The following IFI30 variants were observed in gnomAD, a reference collection of about 807,000 sequenced individuals.
The protein encoded by IFI30 is gamma-interferon-inducible lysosomal thiol reductase.
In IFI30, 26 loss-of-function variants were observed where a neutral mutation model predicts 30.1. The ratio of observed to expected loss-of-function variants is 0.87; its 90% CI spans 0.63 to 1.20. The LOEUF is 1.20. Ranked by LOEUF, IFI30 falls within the 50% of genes most tolerant of loss-of-function variation. IFI30 has a pLI of 0.00. For synonymous variants in IFI30, 149 were observed against 134.5 expected, an observed-to-expected ratio of 1.11 and a Z score of -0.75; for missense variants, 296 against 312.5, an observed-to-expected ratio of 0.95 and a Z score of 0.40.
intron 4 of IFI30, 127 bp from the exon 5 acceptor site, chr19:18,177,013 G>T: frequency 1.0e-6 from 1 of 988,780 alleles, no homozygotes. Context: ...GGGCTTTGTC[G>T]CATCACTGTG....
At chr19:18,174,919 G>C (rs1967247600) in intron 1 of IFI30, 121 bp from the exon 2 acceptor site, 1 of 738,128 alleles carries the variant, frequency 1.4e-6, no homozygotes. Flanking sequence ...GCAAGTTCTG[G>C]AAGGCGTGCA....
At chr19:18,177,547 A>T in intron 5 of IFI30, 164 bp from the exon 6 acceptor site, 1 of 880,792 alleles carries the variant, frequency 1.1e-6, no homozygotes, top group Non-Finnish European at 1.8e-6. Flanking sequence ...TCGAAGTATT[A>T]AACATCCCTA....
At position 18,177,758 on chromosome 19, in the gene IFI30, G is replaced by A. The variant is rs757176576; in HGVS notation, c.684G>A (p.Leu228=). The A allele has an allele frequency of 8.7e-6, 14 of 1,613,748 alleles. No homozygotes were observed. The East Asian group carries it at 3.1e-4, about 36-fold the overall frequency. ...QTQLLTLVCQ[L]YQGKKPDVCP... Reference sequence around the variant, plus strand: ...AGCTCCTTACCCTTGTCTGCCAGTTGTACCAGGTAAGCTGGGAGGGGAGCA... The same window carrying A: ...AGCTCCTTACCCTTGTCTGCCAGTTATACCAGGTAAGCTGGGAGGGGAGCA... Residue 228 remains leucine (L), a synonymous_variant, in exon 6 of 7, where the codon TTG becomes TTA. Coordinates refer to ENST00000407280, the MANE Select transcript of IFI30 (RefSeq NM_006332.5).
In IFI30 at chr19:18,178,080, A is replaced by G. The variant is rs1045744; in HGVS notation, c.*169A>G. The G allele has an allele frequency of 1.5e-6, 1 of 662,910 alleles. No homozygotes were observed. Among genetic ancestry groups the G allele is most frequent in the Non-Finnish European group, 2.7e-6 (1 of 375,752 alleles). 41.1% of individuals were successfully genotyped at this position (662,910 alleles called of 1,614,324 possible). ...ACCCCATGATCAAGAATCCTGCTCC[A>G]CTAAGAATGGTGCTAAAGTAAAACT... On this transcript the variant is annotated 3_prime_UTR_variant, in exon 7 of 7. Transcript: ENST00000407280.
intron 5 of IFI30, 122 bp downstream of exon 5, chr19:18,177,414 A>G: frequency 8.8e-7 from 1 of 1,130,926 alleles, no homozygotes; most frequent in Non-Finnish European, 1.3e-6. Flanking sequence ...AGATCATGCC[A>G]CTGCACTCCA....
In IFI30 at chr19:18,177,869, C is replaced by T. The variant is rs753050018; in HGVS notation, c.711C>T (p.Cys237=). 1.9e-6 allele frequency: 3 copies of T among 1,598,770 alleles called. No homozygotes were observed. The highest frequency in any genetic ancestry group is 1.3e-5 in the African/African-American group (1 of 74,562). The change falls in exon 7 of 7, where the codon TGC becomes TGT. Residue 237 remains cysteine (C), a synonymous_variant. Transcript: ENST00000407280. Reference sequence around the variant, plus strand: ...TCCAGGGCAAGAAGCCGGATGTCTGCCCTTCCTCAACCAGCTCCCTCAGGA... The same window carrying T: ...TCCAGGGCAAGAAGCCGGATGTCTGTCCTTCCTCAACCAGCTCCCTCAGGA... ...QLYQGKKPDV[C]PSSTSSLRSV...
intron 5 of IFI30, 193 bp from the exon 6 acceptor site, chr19:18,177,517 CA>C: frequency 2.6e-5 from 20 of 766,734 alleles, no homozygotes; most frequent in Non-Finnish European, 3.5e-5. Flanking sequence ...GTCCATCAGG[CA>C]AAAAAAGTAT....
At position 18,175,311 on chromosome 19, in the gene IFI30, G is replaced by A; in HGVS notation, c.316G>A (p.Glu106Lys). 1 of 1,587,790 alleles carries A rather than the reference G, an allele frequency of 6.3e-7. No individual in the cohort carries two copies. The highest frequency in any genetic ancestry group is 8.6e-7 in the Non-Finnish European group (1 of 1,167,708). Reference protein sequence around the residue: ...VTLVPYGNAQEQNVSGRWEFK... With the variant: ...VTLVPYGNAQKQNVSGRWEFK... The stretch of plus-strand genomic sequence containing the variant: ...AGGCTCTCACCCTGCTGCCTTGCAG[G>A]AACAAAATGTCAGTGGCAGGTGGGA... Residue 106 changes from glutamate (E) to lysine (K), a missense_variant and splice_region_variant, in exon 3 of 7, where the codon GAA (glutamate) becomes AAA (lysine). Glu to Lys is a moderately conservative substitution (Grantham distance 56). Coordinates refer to ENST00000407280, the MANE Select transcript of IFI30 (RefSeq NM_006332.5).
rs1045747 is a variant in IFI30 at position 18,178,088 on chromosome 19, T to C, written c.*177T>C. On this transcript the variant is annotated 3_prime_UTR_variant, in exon 7 of 7. Coordinates refer to ENST00000407280, the MANE Select transcript of IFI30 (RefSeq NM_006332.5). ...ATCAAGAATCCTGCTCCACTAAGAA[T>C]GGTGCTAAAGTAAAACTAGTTTAAT... 0.23 allele frequency: 148,820 copies of C among 645,272 alleles called. 18,100 individuals are homozygous for C. The highest frequency in any genetic ancestry group is 0.32 in the African/African-American group (17,543 of 54,938). The allele number at this position is 645,272 out of a possible 1,614,324, so 40.0% of individuals were successfully genotyped here. A position where few individuals can be genotyped will look rare whatever the true frequency, so the allele number is the denominator to read the frequency against.
intron 5 of IFI30, 61 bp from the exon 6 acceptor site, chr19:18,177,650 C>G: frequency 6.3e-7 from 1 of 1,587,972 alleles, no homozygotes; most frequent in Non-Finnish European, 8.6e-7. Context: ...TGGGCTGGAA[C>G]CAGGGTGCAT....
In IFI30 at chr19:18,175,024, C is replaced by G; in HGVS notation, c.133-16C>G. 6.2e-7 allele frequency: 1 copy of G among 1,609,898 alleles called. No individual in the cohort carries two copies. Among genetic ancestry groups the G allele is most frequent in the South Asian group, 1.1e-5 (1 of 90,650 alleles). On this transcript the variant is annotated splice_polypyrimidine_tract_variant and intron_variant, in intron 1 of 6. Coordinates refer to ENST00000407280, the MANE Select transcript of IFI30 (RefSeq NM_006332.5). ...CCCAGGGCTACACCTGCCTCCCACG[C>G]CTTCCTAATCCACAGACAGGCAATC...
intron 4 of IFI30, among the ~76,000 whole-genome samples, 174 bp downstream of exon 4, chr19:18,175,871 C>T (rs2147966655): frequency 6.6e-6 from 1 of 152,256 alleles, no homozygotes; most frequent in Admixed American, 6.5e-5. Context: ...GAGACAGAGT[C>T]TCGCTCTGTC....
intron 4 of IFI30, 108 bp from the exon 5 acceptor site, chr19:18,177,032 T>C: frequency 8.4e-7 from 1 of 1,190,548 alleles, no homozygotes; most frequent in East Asian, 2.6e-5. Context: ...TGAAGCCAAC[T>C]GTACCCTCTT....
chr19:18,175,183 G>C lies in IFI30; in HGVS notation c.276G>C (p.Glu92Asp). ...ELFPTWLLVM[E>D]ILNVTLVPYG... The stretch of plus-strand genomic sequence containing the variant: ...TCCCAACATGGCTGTTGGTCATGGA[G>C]ATCCTCAATGTCACGCTGGTGCCCT... Residue 92 changes from glutamate to aspartate, a missense_variant, in exon 2 of 7, where the codon GAG becomes GAC. Physicochemically the swap from Glu to Asp is conservative, Grantham distance 45 (BLOSUM62 2). Transcript: ENST00000407280. The C allele has an allele frequency of 6.2e-7, 1 of 1,600,280 alleles. No homozygotes were observed. The highest frequency in any genetic ancestry group is 8.5e-7 in the Non-Finnish European group (1 of 1,173,588).
chr19:18,176,140 C>CA (rs1240620175), intron 4 of IFI30, among the ~76,000 whole-genome samples: 3 of 123,226 alleles, frequency 2.4e-5, no homozygotes, highest in Non-Finnish European at 3.4e-5. Context: ...CGCACCCAGC[C>CA]CTTTTTTTTT....
At chr19:18,174,954 C>A in intron 1 of IFI30, 86 bp from the exon 2 acceptor site, 1 of 1,103,088 alleles carries the variant, frequency 9.1e-7, no homozygotes, top group Non-Finnish European at 1.3e-6. Flanking sequence ...TCACAGCCCC[C>A]TTTCTACAAG....
intron 3 of IFI30, 43 bp from the exon 4 acceptor site, chr19:18,175,562 A>C: frequency 6.5e-7 from 1 of 1,542,486 alleles, no homozygotes; most frequent in South Asian, 1.2e-5. Context: ...AGGGTACCCT[A>C]GGCCCTCTTC....
At chr19:18,176,922 A>T (rs988492790) in intron 4 of IFI30, among the ~76,000 whole-genome samples, 1 of 152,160 alleles carries the variant, frequency 6.6e-6, no homozygotes, top group African/African-American at 2.4e-5. Context: ...GGATGAAACC[A>T]AGGGAGCTAG....
At chr19:18,174,559 C>T (rs1399017863) in intron 1 of IFI30, 1 of 161,830 alleles carries the variant, frequency 6.2e-6, no homozygotes, top group Non-Finnish European at 1.4e-5. Context: ...GCAAGGTCTC[C>T]AGGTGAAGTG....
Sources: allele counts gnomAD v4.1 joint callset (sites outside exome capture counted in the v4.1 genomes callset), GRCh38; gene constraint gnomAD v4.1.1; transcripts MANE v1.5; gene names NCBI Gene and HGNC (gene_info 2026-07-23, HGNC 2026-07-21).